AMZ1: variants seen among roughly 807,000 people sequenced by gnomAD.
AMZ1 encodes the protein archaemetzincin-1.
Under a neutral mutation model 29.9 loss-of-function variants are expected in AMZ1, and 39 were observed. The ratio of observed to expected loss-of-function variants is 1.30; its 90% CI spans 1.01 to 1.70. The LOEUF (loss-of-function observed/expected upper bound fraction) is 1.70, where lower values mean the gene tolerates loss of function less well. AMZ1 is among the 40% of genes most tolerant of loss of function. The pLI is 0.00. For missense variants in AMZ1, 1,041 were observed against 680.6 expected, an observed-to-expected ratio of 1.53 and a Z score of -5.89; for synonymous variants, 458 against 304.0, an observed-to-expected ratio of 1.51 and a Z score of -5.27.
chr7:2,702,974 A>G, intron 3 of AMZ1, 85 bp downstream of exon 3: 1 of 1,451,576 alleles, frequency 6.9e-7, no homozygotes, highest in Non-Finnish European at 9.1e-7. Flanking sequence ...CAGGAGAGGA[A>G]GGGAACCTTT....
intron 4 of AMZ1, among the ~76,000 whole-genome samples, chr7:2,742,199 T>G (rs1049181247): frequency 2.0e-5 from 3 of 151,906 alleles, no homozygotes; most frequent in Non-Finnish European, 4.4e-5. Context: ...TTTTTGTATT[T>G]TTACTACAGA....
chr7:2,731,697 T>A lies in AMZ1; in HGVS notation n.550+21881T>A, dbSNP rs762286637. The A allele has an allele frequency of 6.3e-7, 1 of 1,594,312 alleles. No homozygotes were observed. Among genetic ancestry groups the A allele is most frequent in the African/African-American group, 1.3e-5 (1 of 74,322 alleles). On this transcript the variant is annotated intron_variant and non_coding_transcript_variant, in intron 4 of 4. Transcript: ENST00000489665. The surrounding 1 kb of genome is among the most constrained non-coding windows in gnomAD (Gnocchi z 6.0). Reference sequence around the variant, plus strand: ...TAATAACGAAGTCATGCTCCACAATTCCCTTGGTGGCTTTCCTAGCCAGCA... The same window carrying A: ...TAATAACGAAGTCATGCTCCACAATACCCTTGGTGGCTTTCCTAGCCAGCA...
Position 2,712,686 on chromosome 7 carries a change from C to A in AMZ1, c.1305C>A (p.Asp435Glu). The A allele has an allele frequency of 6.2e-7, 1 of 1,612,248 alleles. No homozygotes were observed. The highest frequency in any genetic ancestry group is 1.7e-5 in the Admixed American group (1 of 59,906). Reference protein sequence around the residue: ...EDLVQVDRAVDALDRWEMFTG... With the variant: ...EDLVQVDRAVEALDRWEMFTG... ...TGGTGCAGGTGGACAGAGCCGTGGA[C>A]GCCCTCGACCGCTGGGAGATGTTCA... The change falls in exon 7 of 7, where the codon GAC becomes GAA. Residue 435 changes from aspartate to glutamate, a missense_variant. By Grantham distance (45) the Asp-to-Glu change is conservative (BLOSUM62 2). Coordinates refer to ENST00000683327, the MANE Select transcript of AMZ1 (RefSeq NM_001384743.1).
At chr7:2,706,225 A>G (rs555716615) in intron 3 of AMZ1, among the ~76,000 whole-genome samples, 21 of 152,282 alleles carry the variant, frequency 1.4e-4, no homozygotes, top group Admixed American at 3.9e-4. Flanking sequence ...ACCCAGGCTC[A>G]AGCGCAGTGG....
chr7:2,685,210 G>A (rs1023118406), upstream of AMZ1, among the ~76,000 whole-genome samples: 2 of 152,034 alleles, frequency 1.3e-5, no homozygotes, highest in East Asian at 2.0e-4. Flanking sequence ...AGGGAGGGGC[G>A]TGGGGGTTGG....
rs530338398 is a variant in AMZ1 at position 2,715,377 on chromosome 7, A to G, written c.*2499A>G. 3 of 152,488 alleles carry G rather than the reference A, an allele frequency of 2.0e-5. No homozygotes were observed. The East Asian group carries it at 5.6e-4, about 29-fold the overall frequency. 9.4% of individuals were successfully genotyped at this position (152,488 alleles called of 1,614,324 possible). A position where few individuals can be genotyped will look rare whatever the true frequency, so the allele number is the denominator to read the frequency against. On this transcript the variant is annotated 3_prime_UTR_variant, in exon 7 of 7. Coordinates refer to ENST00000683327, the MANE Select transcript of AMZ1 (RefSeq NM_001384743.1). The stretch of plus-strand genomic sequence containing the variant: ...CCTGACCTGTTTTCCGATTTCCTTC[A>G]TCTTCTGCAAAAGGTTAACCGCTGG...
intron 3 of AMZ1, among the ~76,000 whole-genome samples, chr7:2,703,661 C>T (rs1172557484): frequency 6.6e-6 from 1 of 152,090 alleles, no homozygotes; most frequent in Non-Finnish European, 1.5e-5. Flanking sequence ...CTCAAAGGGG[C>T]TGGAATGAGC....
rs1562364505 is a variant in AMZ1, at chr7:2,700,564, CT to C, written c.114del (p.Ala39ProfsTer30). ...LQQLYVSAFS[P>X]AERLFLAEAY... is the part of the protein sequence containing the mutation. ...CAGCTGTATGTGTCCGCCTTCTCCCCTGCCGAGCGGCTCTTCCTGGCCGAGG... is the reference window on the plus strand; with the variant it reads ...CAGCTGTATGTGTCCGCCTTCTCCCCGCCGAGCGGCTCTTCCTGGCCGAGG... On this transcript the variant is annotated frameshift_variant, in exon 2 of 7. Transcript: ENST00000683327. LOFTEE classifies it high-confidence loss of function. 6.2e-7 allele frequency: 1 copy of C among 1,609,992 alleles called. No homozygotes were observed. Among genetic ancestry groups the C allele is most frequent in the Admixed American group, 1.7e-5 (1 of 60,026 alleles).
At chr7:2,704,269 G>T (rs1354033836) in intron 3 of AMZ1, among the ~76,000 whole-genome samples, 1 of 152,176 alleles carries the variant, frequency 6.6e-6, no homozygotes, top group Non-Finnish European at 1.5e-5. Context: ...TTGAGAGGCT[G>T]AGGTGGGAGG....
chr7:2,681,287 A>C (rs915268598), intron 1 of AMZ1, among the ~76,000 whole-genome samples: 33 of 152,008 alleles, frequency 2.2e-4, no homozygotes, highest in Admixed American at 9.2e-4. Context: ...CAGTGGTGCA[A>C]TCATGGCTCA....
At chr7:2,740,950 C>G (rs1790467700) in intron 4 of AMZ1, among the ~76,000 whole-genome samples, 1 of 152,152 alleles carries the variant, frequency 6.6e-6, no homozygotes, top group Non-Finnish European at 1.5e-5. Context: ...GAAGCTAAGG[C>G]AGAAGAATGG....
At chr7:2,752,062 C>G (rs1791067645) in intron 4 of AMZ1, among the ~76,000 whole-genome samples, 3 of 152,118 alleles carry the variant, frequency 2.0e-5, no homozygotes, top group South Asian at 4.1e-4. Context: ...AAATTACAGA[C>G]CAACTCTCCC....
intron 3 of AMZ1, among the ~76,000 whole-genome samples, chr7:2,707,057 G>C (rs1439186737): frequency 2.0e-5 from 3 of 152,134 alleles, no homozygotes. Flanking sequence ...GACGGATCAC[G>C]AGGGTAGGAG....
chr7:2,739,518 G>A (rs142363598), intron 4 of AMZ1, among the ~76,000 whole-genome samples: 1 of 152,258 alleles, frequency 6.6e-6, no homozygotes, highest in African/African-American at 2.4e-5. Context: ...GTATGGATAT[G>A]TGGTTTGTTT....
chr7:2,712,260 T>TC, intron 6 of AMZ1, 70 bp from the exon 7 acceptor site: 1 of 1,454,978 alleles, frequency 6.9e-7, no homozygotes, highest in South Asian at 1.4e-5. Context: ...GGTAAGGAGG[T>TC]CTCCTGGCAG....
At chr7:2,720,619 G>A (rs1290269593), downstream of AMZ1, among the ~76,000 whole-genome samples, 2 of 151,992 alleles carry the variant, frequency 1.3e-5, no homozygotes, top group Non-Finnish European at 2.9e-5. Context: ...TGGCCAGGCT[G>A]GTCTTGAACT....
chr7:2,737,269 GTTTTGTTTTTTTT>G (rs1402031548), intron 4 of AMZ1, among the ~76,000 whole-genome samples: 1 of 38,112 alleles, frequency 2.6e-5, no homozygotes, highest in African/African-American at 9.4e-5. Context: ...TCACAGTTTT[GTTTTGTTTTTTTT>G]TTTTTTGTTT....
downstream of AMZ1, among the ~76,000 whole-genome samples, chr7:2,722,688 C>G (rs912738852): frequency 1.3e-5 from 2 of 152,212 alleles, no homozygotes; most frequent in Non-Finnish European, 2.9e-5. Flanking sequence ...GTTAAGAACC[C>G]AGACTGGGTG....
In AMZ1 at chr7:2,712,686, C is replaced by T. The variant is rs144828698; in HGVS notation, c.1305C>T (p.Asp435=). 689 of 1,612,248 alleles carry T rather than the reference C, an allele frequency of 4.3e-4. 3 individuals carry two copies. The highest frequency in any genetic ancestry group is 2.5e-3 in the South Asian group (225 of 90,920). Residue 435 remains aspartate (D), a synonymous_variant, in exon 7 of 7, where the codon GAC becomes GAT. Transcript: ENST00000683327. ...TGGTGCAGGTGGACAGAGCCGTGGACGCCCTCGACCGCTGGGAGATGTTCA... is the reference window on the plus strand; with the variant it reads ...TGGTGCAGGTGGACAGAGCCGTGGATGCCCTCGACCGCTGGGAGATGTTCA... ...EDLVQVDRAV[D]ALDRWEMFTG...
Sources: allele counts gnomAD v4.1 joint callset (sites outside exome capture counted in the v4.1 genomes callset), GRCh38; gene constraint gnomAD v4.1.1; non-coding constraint Gnocchi (gnomAD v3.1); transcripts MANE v1.5; gene names NCBI Gene and HGNC (gene_info 2026-07-23, HGNC 2026-07-21).